The following TDP1 variants were observed in gnomAD, a reference collection of about 807,000 sequenced individuals.
TDP1 encodes tyr-DNA phosphodiesterase 1.
A neutral mutation model predicts 81.5 loss-of-function variants in TDP1; 64 were observed. The observed-to-expected ratio is 0.79, with a 90% CI of 0.64 to 0.97. TDP1 has a LOEUF of 0.97. Ranked by LOEUF, TDP1 falls within the 50% of genes least tolerant of loss-of-function variation. The probability of loss-of-function intolerance (pLI) is 0.00; values close to 1 mark genes in which losing one functional copy is unlikely to be tolerated. For synonymous variants in TDP1, 256 were observed against 264.3 expected (o/e 0.97, Z 0.30); for missense variants, 723 against 743.8 (o/e 0.97, Z 0.33).
At chr14:89,972,590 A>G (rs150509821) in intron 6 of TDP1, among the ~76,000 whole-genome samples, 3 of 152,244 alleles carry the variant, frequency 2.0e-5, no homozygotes, top group Non-Finnish European at 4.4e-5. Flanking sequence ...ATTAGGATCC[A>G]TTTCTTTAGA....
Position 89,959,858 on chromosome 14 carries a change from G to A in TDP1, c.-8+3058G>A, listed in dbSNP as rs988146669. On this transcript the variant is annotated intron_variant, in intron 2 of 16. Transcript: ENST00000335725. ...TAATGTACTTAGCACAGAATTCTCA[G>A]TGTTTGGAAATTCCATTTTATTTAT... 6.6e-5 allele frequency among the ~76,000 whole-genome samples: 10 copies of A among 152,262 alleles called. No homozygotes were observed. In the East Asian group the frequency reaches 9.6e-4, roughly 15 times the overall value.
chr14:89,989,363 C>G (rs978583809), intron 11 of TDP1: 1 of 985,184 alleles, frequency 1.0e-6, no homozygotes, highest in East Asian at 1.1e-4. Flanking sequence ...TCTATCCTTT[C>G]TTTCAGGTTG....
At chr14:89,998,402 A>ATG (rs1566891051) in intron 14 of TDP1, among the ~76,000 whole-genome samples, 99 of 115,196 alleles carry the variant, frequency 8.6e-4, no homozygotes, top group South Asian at 8.1e-3. Context: ...ATATATATAT[A>ATG]TATATATATA....
chr14:90,034,500 C>A (rs34997033), intron 16 of TDP1, among the ~76,000 whole-genome samples: 111 of 152,334 alleles, frequency 7.3e-4, no homozygotes, highest in Middle Eastern at 3.4e-3. Flanking sequence ...AGTGTACCCA[C>A]CTATGTCTGG....
chr14:89,985,219 AC>A lies in TDP1; in HGVS notation c.1131+10del, dbSNP rs754060125. 16 of 1,555,436 alleles carry A rather than the reference AC, an allele frequency of 1.0e-5. No homozygotes were observed. In the African/African-American group the frequency reaches 2.0e-4, roughly 20 times the overall value. On this transcript the variant is annotated intron_variant, in intron 10 of 16. Coordinates refer to ENST00000335725, the MANE Select transcript of TDP1 (RefSeq NM_018319.4). ...ATTTTAGACTTAAGAAGGTAACAGA[AC>A]TTTTACTATTTTAACATTTTTAAAA...
chr14:89,958,412 G>T (rs1891925097), intron 2 of TDP1: 1 of 152,310 alleles, frequency 6.6e-6, no homozygotes, highest in Non-Finnish European at 1.5e-5. Flanking sequence ...GTTTTACTCA[G>T]TGATGAGACA....
Position 89,990,451 on chromosome 14 carries a change from C to T in TDP1, c.1366+686C>T, listed in dbSNP as rs34559104. 6.0e-3 allele frequency among the ~76,000 whole-genome samples: 908 copies of T among 151,558 alleles called. 7 individuals carry two copies. The highest frequency in any genetic ancestry group is 0.021 in the African/African-American group (871 of 41,288). On this transcript the variant is annotated intron_variant, in intron 12 of 16. Coordinates refer to ENST00000335725, the MANE Select transcript of TDP1 (RefSeq NM_018319.4). ...TTTGTTGATGGCTGAAAGCAGAATG[C>T]ACTGAATTAAACTAATTTAGTCCAT...
chr14:89,984,696 T>C lies in TDP1; in HGVS notation c.1052+13T>C. The C allele has an allele frequency of 1.9e-6, 3 of 1,613,180 alleles. No individual in the cohort carries two copies. The highest frequency in any genetic ancestry group is 2.5e-6 in the Non-Finnish European group (3 of 1,180,002). ...TCTCTGAAACAAAGTATGTGTCAGC[T>C]TATCAATTTGGGGTGCTTATGATAG... On this transcript the variant is annotated intron_variant, in intron 9 of 16. Transcript: ENST00000335725.
chr14:90,006,801 A>C (rs867562793), intron 14 of TDP1, among the ~76,000 whole-genome samples: 1 of 152,108 alleles, frequency 6.6e-6, no homozygotes, highest in South Asian at 2.1e-4. Flanking sequence ...AGCCTCCCAA[A>C]GTGCTGGGAT....
intron 14 of TDP1, among the ~76,000 whole-genome samples, chr14:90,018,670 C>T (rs1885602668): frequency 6.6e-6 from 1 of 152,078 alleles, no homozygotes; most frequent in Non-Finnish European, 1.5e-5. Flanking sequence ...CCAGGCTGGT[C>T]CTGGGTTCAA....
At chr14:90,022,398 C>T (rs1026288721) in intron 15 of TDP1, among the ~76,000 whole-genome samples, 4 of 152,236 alleles carry the variant, frequency 2.6e-5, no homozygotes, top group African/African-American at 7.2e-5. Context: ...GACTCAGCAG[C>T]GGCCCTTCTC....
In TDP1 at chr14:89,984,345, A is replaced by G. The variant is rs73326423; in HGVS notation, c.885-171A>G. On this transcript the variant is annotated intron_variant, in intron 8 of 16. Transcript: ENST00000335725. The stretch of plus-strand genomic sequence containing the variant: ...TTCAGGAATAATTCTGAATGTGATG[A>G]GAAACCATTGGAGTGGTGTTCTCAG... 1.4e-3 allele frequency: 1,363 copies of G among 985,412 alleles called. 12 individuals are homozygous for G. The African/African-American group carries it at 0.022, about 16-fold the overall frequency. 61.0% of individuals were successfully genotyped at this position (985,412 alleles called of 1,614,324 possible). A position where few individuals can be genotyped will look rare whatever the true frequency, so the allele number is the denominator to read the frequency against.
Position 89,974,413 on chromosome 14 carries a change from A to C in TDP1, c.757-1368A>C, listed in dbSNP as rs1194452152. On this transcript the variant is annotated intron_variant, in intron 6 of 16. Transcript: ENST00000335725. Reference sequence around the variant, plus strand: ...CTTCTCATTTGGTAATTTTGAAAACATGAAATAGAGTTCCCTGCACTTTCT... The same window carrying C: ...CTTCTCATTTGGTAATTTTGAAAACCTGAAATAGAGTTCCCTGCACTTTCT... 2.0e-5 allele frequency among the ~76,000 whole-genome samples: 3 copies of C among 152,212 alleles called. No homozygotes were observed. In the South Asian group the frequency reaches 6.2e-4, roughly 32 times the overall value.
chr14:89,971,080 C>T, intron 5 of TDP1, 95 bp from the exon 6 acceptor site: 2 of 1,059,536 alleles, frequency 1.9e-6, no homozygotes, highest in East Asian at 2.5e-5. Context: ...AGGTAGTCCA[C>T]CTGCCTCGGC....
rs1247173833 is a variant in TDP1, at chr14:89,967,855, C to T, written c.659+433C>T. Among the ~76,000 whole-genome samples the T allele has an allele frequency of 1.3e-5, 2 of 152,180 alleles. 1 individual carries two copies. The highest frequency in any genetic ancestry group is 4.8e-5 in the African/African-American group (2 of 41,446). ...TGAGGAAAGGAGGCTTATCTGTGGC[C>T]TTCCCTTATCTAGGCTCTGGAGGTG... On this transcript the variant is annotated intron_variant, in intron 5 of 16. Transcript: ENST00000335725.
At chr14:89,970,067 G>A (rs955219102) in intron 5 of TDP1, among the ~76,000 whole-genome samples, 19 of 151,244 alleles carry the variant, frequency 1.3e-4, no homozygotes, top group African/African-American at 1.7e-4. Context: ...TAGTAGAGAC[G>A]GGGTTTCACC....
Position 90,044,713 on chromosome 14 carries a change from A to G in TDP1, c.*1570A>G, listed in dbSNP as rs1198281444. 1.3e-5 allele frequency: 2 copies of G among 152,142 alleles called. No homozygotes were observed. The highest frequency in any genetic ancestry group is 2.4e-5 in the African/African-American group (1 of 41,422). 9.4% of individuals were successfully genotyped at this position (152,142 alleles called of 1,614,324 possible). On this transcript the variant is annotated 3_prime_UTR_variant, in exon 17 of 17. Coordinates refer to ENST00000335725, the MANE Select transcript of TDP1 (RefSeq NM_018319.4). ...TAAAGGACATTATCTGGGGTGTTGTATGTATTTTTGTGTGTTCTGCTTTTT... is the reference window on the plus strand; with the variant it reads ...TAAAGGACATTATCTGGGGTGTTGTGTGTATTTTTGTGTGTTCTGCTTTTT...
At position 90,010,655 on chromosome 14, in the gene TDP1, G is replaced by A. The variant is rs181447540; in HGVS notation, c.1542-8661G>A. Among the ~76,000 whole-genome samples the A allele has an allele frequency of 2.0e-5, 3 of 152,222 alleles. No individual in the cohort carries two copies. The East Asian group carries it at 5.8e-4, about 29-fold the overall frequency. ...ATGAAGGAACAGAGACATTCCAAGGGGAATGCAGACAGCCTCTAGAACTAG... is the reference window on the plus strand; with the variant it reads ...ATGAAGGAACAGAGACATTCCAAGGAGAATGCAGACAGCCTCTAGAACTAG... On this transcript the variant is annotated intron_variant, in intron 14 of 16. Coordinates refer to ENST00000335725, the MANE Select transcript of TDP1 (RefSeq NM_018319.4).
At chr14:89,966,564 G>C (rs1892971002) in intron 4 of TDP1, among the ~76,000 whole-genome samples, 1 of 152,212 alleles carries the variant, frequency 6.6e-6, no homozygotes, top group Non-Finnish European at 1.5e-5. Context: ...GCCAAGTCAA[G>C]TTTGATTTAA....
Sources: allele counts gnomAD v4.1 joint callset (sites outside exome capture counted in the v4.1 genomes callset), GRCh38; gene constraint gnomAD v4.1.1; transcripts MANE v1.5; gene names NCBI Gene and HGNC (gene_info 2026-07-23, HGNC 2026-07-21).